OR2L13: variants seen among roughly 807,000 people sequenced by gnomAD.
OR2L13 encodes the protein olfactory receptor 2L13.
In OR2L13, 14 loss-of-function variants were observed where a neutral mutation model predicts 15.3. That is an observed-to-expected ratio of 0.91 (90% CI 0.60 to 1.43). The LOEUF (loss-of-function observed/expected upper bound fraction) is 1.43, where lower values mean the gene tolerates loss of function less well. Among genes scored for constraint, OR2L13 ranks in the 40% most tolerant of loss-of-function variants. The probability of loss-of-function intolerance (pLI) is 0.00; values close to 1 mark genes in which losing one functional copy is unlikely to be tolerated. For missense variants in OR2L13, 367 were observed against 387.9 expected, an observed-to-expected ratio of 0.95 and a Z score of 0.45; for synonymous variants, 152 against 142.9, an observed-to-expected ratio of 1.06 and a Z score of -0.45.
chr1:248,050,487 T>C, the OR2L13 span, among the ~76,000 whole-genome samples: 1 of 152,050 alleles, frequency 6.6e-6, no homozygotes, highest in Admixed American at 6.6e-5. Context: ...AATAATATTA[T>C]ATAATAGGAC....
At chr1:248,077,586 A>G in the OR2L13 span, among the ~76,000 whole-genome samples, 1 of 152,214 alleles carries the variant, frequency 6.6e-6, no homozygotes, top group Non-Finnish European at 1.5e-5. Flanking sequence ...CTATGTGTCC[A>G]GGAATTTATC....
At chr1:248,059,081 A>G in the OR2L13 span, among the ~76,000 whole-genome samples, 1 of 151,962 alleles carries the variant, frequency 6.6e-6, no homozygotes, top group Non-Finnish European at 1.5e-5. Flanking sequence ...ACAACAATTC[A>G]TTCTTTCTGC....
the OR2L13 span, among the ~76,000 whole-genome samples, chr1:248,070,851 C>T: frequency 6.6e-6 from 1 of 152,106 alleles, no homozygotes; most frequent in East Asian, 1.9e-4. Flanking sequence ...CAAACACCTC[C>T]ACGCAAATAG....
At chr1:247,955,383 A>G in the OR2L13 span, among the ~76,000 whole-genome samples, 1 of 151,164 alleles carries the variant, frequency 6.6e-6, no homozygotes, top group African/African-American at 2.4e-5. Context: ...AGTCTTTGCT[A>G]TTGTGAATAG....
chr1:248,075,447 G>A, the OR2L13 span, among the ~76,000 whole-genome samples: 1 of 152,152 alleles, frequency 6.6e-6, no homozygotes, highest in African/African-American at 2.4e-5. Context: ...CACAATGGTT[G>A]AACTAATTTA....
chr1:248,003,456 T>G, the OR2L13 span: 7 of 1,608,520 alleles, frequency 4.4e-6, no homozygotes, highest in African/African-American at 9.4e-5. Flanking sequence ...TTAGCCGTTG[T>G]AGAAGCGCTA....
At chr1:248,078,036 T>C in the OR2L13 span, among the ~76,000 whole-genome samples, 1 of 152,080 alleles carries the variant, frequency 6.6e-6, no homozygotes, top group African/African-American at 2.4e-5. Context: ...CAAACAAAAA[T>C]ACTAAAATGA....
At chr1:248,052,736 GA>G in the OR2L13 span, among the ~76,000 whole-genome samples, 2 of 148,792 alleles carry the variant, frequency 1.3e-5, no homozygotes, top group Admixed American at 6.7e-5. Context: ...ATCTCAAAAA[GA>G]AAAAAAAATC....
chr1:248,034,087 G>A, the OR2L13 span, among the ~76,000 whole-genome samples: 1 of 152,116 alleles, frequency 6.6e-6, no homozygotes. Context: ...AACTGCTTAG[G>A]AATATACCTA....
the OR2L13 span, chr1:248,024,071 G>T: frequency 6.6e-6 from 1 of 151,806 alleles, no homozygotes; most frequent in African/African-American, 2.4e-5. Context: ...TTTTATGGGG[G>T]TTCTGGCATA....
upstream of OR2L13, among the ~76,000 whole-genome samples, chr1:248,091,315 T>C (rs1351569386): frequency 6.6e-6 from 1 of 152,204 alleles, no homozygotes; most frequent in Non-Finnish European, 1.5e-5. Context: ...ATTTATGTTT[T>C]TGTTAAAATC....
the OR2L13 span, among the ~76,000 whole-genome samples, chr1:247,952,651 A>G: frequency 6.6e-6 from 1 of 152,160 alleles, no homozygotes; most frequent in Non-Finnish European, 1.5e-5. Context: ...AGGTTACCAC[A>G]GTTTAAGATA....
At chr1:247,983,013 T>A in the OR2L13 span, among the ~76,000 whole-genome samples, 4 of 152,170 alleles carry the variant, frequency 2.6e-5, no homozygotes, top group African/African-American at 9.6e-5. Context: ...ATGTTTATTT[T>A]TATATATAAT....
At chr1:248,018,128 C>G in the OR2L13 span, among the ~76,000 whole-genome samples, 7 of 147,102 alleles carry the variant, frequency 4.8e-5, no homozygotes, top group African/African-American at 1.9e-4. Flanking sequence ...GCACTCCAGC[C>G]TAGGCGACAG....
chr1:247,960,778 G>A, the OR2L13 span, among the ~76,000 whole-genome samples: 1 of 152,184 alleles, frequency 6.6e-6, no homozygotes, highest in African/African-American at 2.4e-5. Flanking sequence ...CATTTGCTAA[G>A]ACCATTCGAA....
the OR2L13 span, chr1:248,023,637 C>G: frequency 6.6e-6 from 1 of 152,190 alleles, no homozygotes; most frequent in Non-Finnish European, 1.5e-5. Flanking sequence ...GTCTATACAT[C>G]TTGGATTGGG....
chr1:248,041,203 C>T, the OR2L13 span: 6 of 152,108 alleles, frequency 3.9e-5, no homozygotes, highest in East Asian at 5.8e-4. Flanking sequence ...GAAATAACGC[C>T]GCATATCTAC....
At chr1:247,949,198 T>G in the OR2L13 span, 12 of 1,614,248 alleles carry the variant, frequency 7.4e-6, no homozygotes, top group South Asian at 2.2e-5. Flanking sequence ...GCACTACTTT[T>G]GGCATCTATG....
At chr1:248,016,315 T>C in the OR2L13 span, among the ~76,000 whole-genome samples, 4 of 152,204 alleles carry the variant, frequency 2.6e-5, no homozygotes, top group Non-Finnish European at 5.9e-5. Flanking sequence ...TGGGTATTTT[T>C]TTTGTAAGTG....
Sources: allele counts gnomAD v4.1 joint callset (sites outside exome capture counted in the v4.1 genomes callset), GRCh38; gene constraint gnomAD v4.1.1; transcripts MANE v1.5; gene names NCBI Gene and HGNC (gene_info 2026-07-23, HGNC 2026-07-21).